Variants in OPRM1 observed in about 807,000 individuals in gnomAD.
OPRM1 encodes opioid receptor mu 1, also known as mu-type opioid receptor.
Under a neutral mutation model 31.8 loss-of-function variants are expected in OPRM1, and 27 were observed. The ratio of observed to expected loss-of-function variants is 0.85; its 90% CI spans 0.63 to 1.17. The LOEUF is 1.17. Ranked by LOEUF, OPRM1 falls within the 50% of genes most tolerant of loss-of-function variation. OPRM1 has a pLI of 0.00. For missense variants in OPRM1, 536 were observed against 511.1 expected, an observed-to-expected ratio of 1.05 and a Z score of -0.47; for synonymous variants, 196 against 189.9, an observed-to-expected ratio of 1.03 and a Z score of -0.26.
At chr6:154,038,037 A>G (rs971539481), upstream of OPRM1, among the ~76,000 whole-genome samples, 10 of 152,164 alleles carry the variant, frequency 6.6e-5, no homozygotes, top group Non-Finnish European at 1.3e-4. Context: ...TGTGTAAATT[A>G]TATGCTTTAA....
At chr6:154,111,793 G>C (rs910094048) in intron 3 of OPRM1, among the ~76,000 whole-genome samples, 19 of 151,740 alleles carry the variant, frequency 1.3e-4, no homozygotes, top group African/African-American at 4.6e-4. Context: ...TTGAGACCGA[G>C]TCTCGCTCTG....
intron 1 of OPRM1, among the ~76,000 whole-genome samples, chr6:154,084,917 A>ACAC (rs1790150466): frequency 6.8e-6 from 1 of 146,398 alleles, no homozygotes; most frequent in Non-Finnish European, 1.5e-5. Flanking sequence ...TGTGGAATTA[A>ACAC]ACACACACAC....
exon 1 of OPRM1, chr6:154,011,001 G>T: frequency 7.7e-7 from 1 of 1,291,292 alleles, no homozygotes; most frequent in Non-Finnish European, 1.0e-6. Context: ...GCACAATGCT[G>T]AAATAGCATG....
At chr6:154,018,367 C>A (rs1483002817) in intron 1 of OPRM1, among the ~76,000 whole-genome samples, 2 of 152,122 alleles carry the variant, frequency 1.3e-5, no homozygotes, top group Non-Finnish European at 2.9e-5. Flanking sequence ...TTGCAGTGAG[C>A]TGAGATCAGG....
chr6:154,116,185 C>T (rs1302630508), intron 3 of OPRM1, among the ~76,000 whole-genome samples: 1 of 152,156 alleles, frequency 6.6e-6, no homozygotes, highest in Non-Finnish European at 1.5e-5. Context: ...GAGGGTTCAT[C>T]ATCAAAGCTG....
chr6:154,098,355 T>C (rs1793767759), intron 3 of OPRM1, among the ~76,000 whole-genome samples: 1 of 152,218 alleles, frequency 6.6e-6, no homozygotes, highest in Admixed American at 6.5e-5. Flanking sequence ...ACTAACAAAA[T>C]GAGATGTCAT....
chr6:154,227,985 T>C (rs543281195), intron 3 of OPRM1, among the ~76,000 whole-genome samples: 2 of 95,756 alleles, frequency 2.1e-5, no homozygotes, highest in East Asian at 7.9e-4. Context: ...TTATTTGACT[T>C]GCAAAAAAAA....
chr6:154,152,347 G>GAAAAGAAAGAAAGAAA lies in OPRM1; in HGVS notation c.1164+60875_1164+60876insAAAAGAAAGAAAGAAA. 1.3e-3 allele frequency among the ~76,000 whole-genome samples: 83 copies of GAAAAGAAAGAAAGAAA among 65,200 alleles called. 1 individual carries two copies. Among genetic ancestry groups the GAAAAGAAAGAAAGAAA allele is most frequent in the South Asian group, 0.01 (16 of 1,572 alleles). 42.8% of individuals were successfully genotyped at this position (65,200 alleles called of 152,430 possible). ...AGAAAGAAAGAAAGAAAGAAAGAAA[G>GAAAAGAAAGAAAGAAA]GAAAGAAAGAAAGAAAGAAAGAAAG... On this transcript the variant is annotated intron_variant, in intron 3 of 3. Transcript: ENST00000337049.
chr6:154,231,037 A>G (rs1779673149), intron 3 of OPRM1, among the ~76,000 whole-genome samples: 2 of 152,146 alleles, frequency 1.3e-5, no homozygotes. Flanking sequence ...ATATAAATCT[A>G]TTGTTTTCTC....
intron 1 of OPRM1, among the ~76,000 whole-genome samples, chr6:154,089,168 T>A (rs991773529): frequency 5.9e-5 from 9 of 152,126 alleles, no homozygotes; most frequent in Non-Finnish European, 4.4e-5. Flanking sequence ...TTAACTATAT[T>A]TATATAGCTA....
Position 154,152,347 on chromosome 6 carries a change from G to GAAAGAAAGAAAGAAAGGAAGGAAA in OPRM1, c.1164+60875_1164+60876insAAAGAAAGAAAGAAAGGAAGGAAA. On this transcript the variant is annotated intron_variant, in intron 3 of 3. Coordinates refer to the OPRM1 transcript ENST00000337049. ...AGAAAGAAAGAAAGAAAGAAAGAAAGGAAAGAAAGAAAGAAAGAAAGAAAG... is the reference window on the plus strand; with the variant it reads ...AGAAAGAAAGAAAGAAAGAAAGAAAGAAAGAAAGAAAGAAAGGAAGGAAAGAAAGAAAGAAAGAAAGAAAGAAAG... Among the ~76,000 whole-genome samples, 3 of 65,132 alleles carry GAAAGAAAGAAAGAAAGGAAGGAAA rather than the reference G, an allele frequency of 4.6e-5. 1 individual carries two copies. Among genetic ancestry groups the GAAAGAAAGAAAGAAAGGAAGGAAA allele is most frequent in the African/African-American group, 1.7e-4 (3 of 17,876 alleles). 42.7% of individuals were successfully genotyped at this position (65,132 alleles called of 152,430 possible). A position where few individuals can be genotyped will look rare whatever the true frequency, so the allele number is the denominator to read the frequency against.
In OPRM1 at chr6:154,186,868, T is replaced by G. The variant is rs150524574; in HGVS notation, c.1165-59825T>G. On this transcript the variant is annotated intron_variant, in intron 3 of 3. Coordinates refer to the OPRM1 transcript ENST00000337049. ...ACCACGCCCGGCCCAGAGCAGCTCTTTTCAAATTTCAGTGAGATGGCACCG... is the reference window on the plus strand; with the variant it reads ...ACCACGCCCGGCCCAGAGCAGCTCTGTTCAAATTTCAGTGAGATGGCACCG... Among the ~76,000 whole-genome samples the G allele has an allele frequency of 5.0e-3, 765 of 152,212 alleles. 4 individuals carry two copies. Among genetic ancestry groups the G allele is most frequent in the Non-Finnish European group, 7.6e-3 (518 of 68,006 alleles).
intron 3 of OPRM1, among the ~76,000 whole-genome samples, chr6:154,225,517 T>G (rs1002881936): frequency 2.0e-5 from 3 of 152,204 alleles, no homozygotes; most frequent in Non-Finnish European, 2.9e-5. Context: ...ATGATTCAAT[T>G]TATATGAAAT....
intron 3 of OPRM1, chr6:154,093,144 A>G: frequency 1.3e-6 from 1 of 745,908 alleles, no homozygotes; most frequent in Non-Finnish European, 2.2e-6. Context: ...TGGGGATAAC[A>G]TGTTAAAGAT....
chr6:154,060,546 T>C (rs1160732013), intron 1 of OPRM1, among the ~76,000 whole-genome samples: 1 of 152,186 alleles, frequency 6.6e-6, no homozygotes, highest in Non-Finnish European at 1.5e-5. Flanking sequence ...AGAAACAGAT[T>C]GGAAAAGAAT....
chr6:154,141,659 T>C (rs1418669272), intron 3 of OPRM1, among the ~76,000 whole-genome samples: 1 of 152,196 alleles, frequency 6.6e-6, no homozygotes, highest in African/African-American at 2.4e-5. Flanking sequence ...AAGATGAACA[T>C]TGGTTCAGTC....
intron 3 of OPRM1, chr6:154,154,557 A>C (rs1435466919): frequency 6.6e-6 from 1 of 152,202 alleles, no homozygotes; most frequent in Non-Finnish European, 1.5e-5. Flanking sequence ...GATTTTGATG[A>C]CTGCCACCAG....
intron 1 of OPRM1, among the ~76,000 whole-genome samples, chr6:154,050,991 T>C (rs1324107235): frequency 6.6e-6 from 1 of 152,208 alleles, no homozygotes; most frequent in Non-Finnish European, 1.5e-5. Context: ...TTGATTCCTG[T>C]ATATTTCTAA....
intron 3 of OPRM1, among the ~76,000 whole-genome samples, chr6:154,105,601 A>G (rs1002693463): frequency 3.3e-5 from 5 of 152,238 alleles, no homozygotes; most frequent in Non-Finnish European, 7.3e-5. Flanking sequence ...GTTTTAGGAC[A>G]GCCACTATTA....
Sources: allele counts gnomAD v4.1 joint callset (sites outside exome capture counted in the v4.1 genomes callset), GRCh38; gene constraint gnomAD v4.1.1; transcripts MANE v1.5; gene names NCBI Gene and HGNC (gene_info 2026-07-23, HGNC 2026-07-21).